The following CDH23 variants were observed in gnomAD, a reference collection of about 807,000 sequenced individuals.
CDH23 encodes the protein cadherin-23.
CDH23 carries 189 observed loss-of-function variants against 317.1 expected under a neutral mutation model. The ratio of observed to expected loss-of-function variants is 0.60; its 90% confidence interval spans 0.53 to 0.67. The LOEUF is 0.67. Among genes scored for constraint, CDH23 ranks in the 30% least tolerant of loss-of-function variants. CDH23 has a pLI of 0.00. For missense variants in CDH23, 4,401 were observed against 4,592.4 expected (o/e 0.96, Z 1.20); for synonymous variants, 1,839 against 1,876.8 (o/e 0.98, Z 0.52).
In CDH23 at chr10:71,815,142, G is replaced by A. The variant is rs377304591; in HGVS notation, c.9929G>A (p.Arg3310His). Residue 3310 changes from arginine to histidine, a missense_variant, in exon 70 of 70, where the codon CGC (arginine) becomes CAC (histidine). This residue lies in a region of CDH23 where 1,144 missense variants were observed against 1,138.2 expected (regional missense o/e 1.01). Transcript: ENST00000224721. ...GAGGAAGACCAGAAGGGCCTGGGCC[G>A]CTCGCTGGAGACGCTGACCGCTGCC... ...LPEEDQKGLG[R>H]SLETLTAAEA... The A allele has an allele frequency of 2.6e-5, 42 of 1,610,972 alleles. No individual in the cohort carries two copies. Among genetic ancestry groups the A allele is most frequent in the East Asian group, 1.8e-4 (8 of 44,796 alleles).
chr10:71,724,469 A>AT (rs1358949087), intron 29 of CDH23, among the ~76,000 whole-genome samples: 1 of 152,130 alleles, frequency 6.6e-6, no homozygotes, highest in Non-Finnish European at 1.5e-5. Flanking sequence ...CATGCCTGTA[A>AT]TTTTTTGTGC....
At chr10:71,406,756 A>G (rs1419532341) in intron 1 of CDH23, among the ~76,000 whole-genome samples, 1 of 152,254 alleles carries the variant, frequency 6.6e-6, no homozygotes, top group East Asian at 1.9e-4. Flanking sequence ...GGAAATAGTC[A>G]TTGAACCCTT....
chr10:71,516,426 T>C (rs1041813447), intron 6 of CDH23, among the ~76,000 whole-genome samples: 1 of 152,218 alleles, frequency 6.6e-6, no homozygotes, highest in Non-Finnish European at 1.5e-5. Flanking sequence ...CCCACTAACC[T>C]GAACCACCTC....
At chr10:71,773,414 G>T (rs767849717) in intron 38 of CDH23, 1 of 1,606,776 alleles carries the variant, frequency 6.2e-7, no homozygotes, top group Non-Finnish European at 8.5e-7. Context: ...CCAGCTGCCG[G>T]CCTCCAGGGC....
intron 9 of CDH23, among the ~76,000 whole-genome samples, chr10:71,599,362 C>G (rs1469212449): frequency 6.6e-6 from 1 of 152,106 alleles, no homozygotes; most frequent in African/African-American, 2.4e-5. Context: ...AATGGCATCC[C>G]TGACTTGAAT....
At chr10:71,449,615 G>T (rs757756510) in intron 3 of CDH23, among the ~76,000 whole-genome samples, 8 of 152,182 alleles carry the variant, frequency 5.3e-5, no homozygotes, top group Non-Finnish European at 8.8e-5. Context: ...AGTGTCCTAA[G>T]TGTTTTTATG....
chr10:71,771,735 C>T (rs1191188336), intron 38 of CDH23, among the ~76,000 whole-genome samples: 5 of 152,208 alleles, frequency 3.3e-5, no homozygotes, highest in Non-Finnish European at 5.9e-5. Context: ...GCCAAGACCT[C>T]TGGGAGTAAA....
intron 17 of CDH23, among the ~76,000 whole-genome samples, chr10:71,681,207 C>T (rs1864632999): frequency 6.6e-6 from 1 of 151,000 alleles, no homozygotes. Context: ...GAAGAATCCC[C>T]CTTAGATTTT....
chr10:71,727,707 T>C (rs1866881247), intron 30 of CDH23, among the ~76,000 whole-genome samples: 1 of 152,136 alleles, frequency 6.6e-6, no homozygotes, highest in Admixed American at 6.5e-5. Flanking sequence ...CTCCTCTCCC[T>C]GTCCTCCTAA....
intron 25 of CDH23, among the ~76,000 whole-genome samples, chr10:71,706,587 G>A (rs1589355274): frequency 1.3e-5 from 2 of 152,340 alleles, no homozygotes; most frequent in South Asian, 2.1e-4. Flanking sequence ...TGCCATGGTC[G>A]TTGTTAGGTG....
At chr10:71,532,189 A>G (rs769804601) in intron 6 of CDH23, among the ~76,000 whole-genome samples, 1 of 151,820 alleles carries the variant, frequency 6.6e-6, no homozygotes, top group African/African-American at 2.4e-5. Context: ...TCCTTCCCCA[A>G]CAACAGCCAT....
chr10:71,409,172 C>CT (rs538167937), intron 1 of CDH23, among the ~76,000 whole-genome samples: 2 of 152,326 alleles, frequency 1.3e-5, no homozygotes, highest in South Asian at 4.1e-4. Context: ...GCTTTGGCCT[C>CT]TGACCAAGGG....
intron 3 of CDH23, among the ~76,000 whole-genome samples, chr10:71,462,580 G>C (rs756164464): frequency 3.3e-5 from 5 of 152,234 alleles, no homozygotes; most frequent in African/African-American, 1.2e-4. Flanking sequence ...CTGCCCTAAC[G>C]CATGCAGAGA....
chr10:71,471,957 A>G (rs1042032750), intron 3 of CDH23, among the ~76,000 whole-genome samples: 3 of 152,176 alleles, frequency 2.0e-5, no homozygotes, highest in Non-Finnish European at 1.5e-5. Context: ...TTGAGAGTCA[A>G]TGTGACTTCT....
chr10:71,749,211 G>GA (rs1839930367), intron 38 of CDH23: 2 of 152,310 alleles, frequency 1.3e-5, no homozygotes, highest in Admixed American at 1.3e-4. Flanking sequence ...CTGTGGGCTT[G>GA]TCCTTCGACT....
At chr10:71,688,126 G>A (rs1864982557) in intron 19 of CDH23, among the ~76,000 whole-genome samples, 1 of 152,188 alleles carries the variant, frequency 6.6e-6, no homozygotes, top group Non-Finnish European at 1.5e-5. Context: ...CGGGGCATGT[G>A]TTCCTATGTG....
rs139295414 is a variant in CDH23 at position 71,595,896 on chromosome 10, C to A, written c.832+17904C>A. Among the ~76,000 whole-genome samples the A allele has an allele frequency of 2.6e-4, 39 of 152,322 alleles. No homozygotes were observed. In the East Asian group the frequency reaches 7.0e-3, roughly 27 times the overall value. On this transcript the variant is annotated intron_variant, in intron 9 of 69. Transcript: ENST00000224721. Reference sequence around the variant, plus strand: ...CCACTTTCAAGCCCAGAGGTGACCACGTGACTCCAATGTCCCTCCTGTGAA... The same window carrying A: ...CCACTTTCAAGCCCAGAGGTGACCAAGTGACTCCAATGTCCCTCCTGTGAA...
intron 24 of CDH23, among the ~76,000 whole-genome samples, chr10:71,703,474 G>A (rs890309334): frequency 6.6e-6 from 1 of 152,220 alleles, no homozygotes; most frequent in African/African-American, 2.4e-5. Flanking sequence ...CTGCCTGGCT[G>A]TGCTGTGGGG....
Position 71,751,887 on chromosome 10 carries a change from C to A in CDH23, c.4845+9966C>A. Reference sequence around the variant, plus strand: ...CTGCCACAGAACCAGAATGGAAGGTCATCTGTGCTGTCCGGAGCGTGAACT... The same window carrying A: ...CTGCCACAGAACCAGAATGGAAGGTAATCTGTGCTGTCCGGAGCGTGAACT... On this transcript the variant is annotated intron_variant, in intron 38 of 69. Coordinates refer to ENST00000224721, the MANE Select transcript of CDH23 (RefSeq NM_022124.6). The surrounding 1 kb of genome is among the most constrained non-coding windows in gnomAD (Gnocchi z 4.9). 1.9e-6 allele frequency: 3 copies of A among 1,539,530 alleles called. No individual in the cohort carries two copies. In the South Asian group the frequency reaches 3.7e-5, roughly 19 times the overall value.
Sources: allele counts gnomAD v4.1 joint callset (sites outside exome capture counted in the v4.1 genomes callset), GRCh38; gene constraint gnomAD v4.1.1; regional missense constraint gnomAD v4.1.1; non-coding constraint Gnocchi (gnomAD v3.1); transcripts MANE v1.5; gene names NCBI Gene and HGNC (gene_info 2026-07-23, HGNC 2026-07-21).